NOVA1: variants seen among roughly 807,000 people sequenced by gnomAD.
The protein encoded by NOVA1 is RNA-binding protein Nova-1.
A neutral mutation model predicts 38.0 loss-of-function variants in NOVA1; 7 were observed. The ratio of observed to expected loss-of-function variants is 0.18; its 90% CI spans 0.10 to 0.35. The LOEUF is 0.35. Ranked by LOEUF, NOVA1 falls within the 10% of genes least tolerant of loss-of-function variation. NOVA1 has a pLI of 1.00. For missense variants in NOVA1, 460 were observed against 616.0 expected, an observed-to-expected ratio of 0.75 and a Z score of 2.68; for synonymous variants, 270 against 232.5, an observed-to-expected ratio of 1.16 and a Z score of -1.47.
chr14:26,469,675 G>A (rs1166998041), intron 4 of NOVA1, among the ~76,000 whole-genome samples: 2 of 152,062 alleles, frequency 1.3e-5, no homozygotes, highest in Non-Finnish European at 2.9e-5. Flanking sequence ...CTGCAGCCTC[G>A]AACTCCTGGC....
intron 2 of NOVA1, among the ~76,000 whole-genome samples, chr14:26,592,412 G>A (rs567336758): frequency 4.6e-4 from 69 of 150,516 alleles, no homozygotes; most frequent in African/African-American, 1.6e-3. Context: ...AAAAAAAAAA[G>A]GTATATTCCT....
intron 2 of NOVA1, among the ~76,000 whole-genome samples, chr14:26,577,272 T>G (rs1329879288): frequency 6.6e-6 from 1 of 152,132 alleles, no homozygotes; most frequent in African/African-American, 2.4e-5. Context: ...ATAAAAATAA[T>G]TATGCTACTA....
intron 2 of NOVA1, among the ~76,000 whole-genome samples, chr14:26,591,391 A>G (rs1351139485): frequency 6.6e-6 from 1 of 151,682 alleles, no homozygotes; most frequent in Non-Finnish European, 1.5e-5. Flanking sequence ...TAACTATCCT[A>G]TTAAACCCAC....
chr14:26,465,581 AGCCAAGAAG>A (rs1328455882), intron 4 of NOVA1, among the ~76,000 whole-genome samples: 6 of 152,218 alleles, frequency 3.9e-5, no homozygotes, highest in African/African-American at 1.2e-4. Flanking sequence ...ATAGACATCA[AGCCAAGAAG>A]GCTATGTTCT....
chr14:26,587,530 G>A (rs1893600733), intron 2 of NOVA1, among the ~76,000 whole-genome samples: 1 of 150,850 alleles, frequency 6.6e-6, no homozygotes, highest in African/African-American at 2.4e-5. Flanking sequence ...TCACACTTAA[G>A]AATGAAACCA....
chr14:26,574,278 C>A lies in NOVA1; in HGVS notation c.280+21132G>T, dbSNP rs572039350. 2.2e-4 allele frequency among the ~76,000 whole-genome samples: 21 copies of A among 95,934 alleles called. 2 individuals carry two copies. The highest frequency in any genetic ancestry group is 1.7e-3 in the East Asian group (4 of 2,316). 62.9% of individuals were successfully genotyped at this position (95,934 alleles called of 152,430 possible). A position where few individuals can be genotyped will look rare whatever the true frequency, so the allele number is the denominator to read the frequency against. On this transcript the variant is annotated intron_variant, in intron 2 of 4. Transcript: ENST00000539517. ...TGACCTCGTGATCCACCCCCCCCCC[C>A]CCGCCCCCTCGGCCTCCCAAAGTGC...
chr14:26,474,150 TTAA>T (rs1422805271), intron 3 of NOVA1, among the ~76,000 whole-genome samples: 2 of 152,020 alleles, frequency 1.3e-5, no homozygotes, highest in African/African-American at 4.8e-5. Flanking sequence ...TAATCTCAGA[TTAA>T]TAATGAGTCT....
rs187691633 is a variant in NOVA1, at chr14:26,562,709, C to T, written c.280+32701G>A. Among the ~76,000 whole-genome samples, 45 of 152,160 alleles carry T rather than the reference C, an allele frequency of 3.0e-4. 1 individual carries two copies. The highest frequency in any genetic ancestry group is 2.1e-3 in the Admixed American group (32 of 15,274). Reference sequence around the variant, plus strand: ...GCCTAATGAAACCCCAGAAAGACAGCGATAATGTTAGCGCTGAATACTGAG... The same window carrying T: ...GCCTAATGAAACCCCAGAAAGACAGTGATAATGTTAGCGCTGAATACTGAG... On this transcript the variant is annotated intron_variant, in intron 2 of 4. Transcript: ENST00000539517.
chr14:26,594,946 C>A (rs1376581748), intron 2 of NOVA1, among the ~76,000 whole-genome samples: 2 of 151,988 alleles, frequency 1.3e-5, no homozygotes, highest in African/African-American at 4.8e-5. Flanking sequence ...CACTCCAAGG[C>A]CAACAAACAA....
intron 2 of NOVA1, among the ~76,000 whole-genome samples, chr14:26,545,137 AT>A (rs2045219436): frequency 6.6e-6 from 1 of 152,098 alleles, no homozygotes; most frequent in African/African-American, 2.4e-5. Context: ...AAAATGGCAA[AT>A]AAGACAGGCT....
At chr14:26,466,535 T>A (rs181505397) in intron 4 of NOVA1, among the ~76,000 whole-genome samples, 111 of 152,226 alleles carry the variant, frequency 7.3e-4, no homozygotes, top group Middle Eastern at 3.4e-3. Flanking sequence ...TTAGAGGACA[T>A]CTTTGGGAAA....
intron 2 of NOVA1, among the ~76,000 whole-genome samples, chr14:26,495,448 T>G (rs1403157580): frequency 2.6e-5 from 4 of 152,214 alleles, no homozygotes; most frequent in African/African-American, 4.8e-5. Flanking sequence ...ATTCATTTAA[T>G]GAAATAAAAC....
chr14:26,473,630 A>T (rs1031348816), intron 3 of NOVA1, among the ~76,000 whole-genome samples: 1 of 151,990 alleles, frequency 6.6e-6, no homozygotes, highest in Non-Finnish European at 1.5e-5. Flanking sequence ...ATAAAAAAAA[A>T]GAATAAGAAA....
At chr14:26,591,743 T>G (rs2138813666) in intron 2 of NOVA1, among the ~76,000 whole-genome samples, 1 of 151,748 alleles carries the variant, frequency 6.6e-6, no homozygotes, top group South Asian at 2.1e-4. Flanking sequence ...TGTTGGGTCT[T>G]TCCTTCCCTA....
intron 2 of NOVA1, among the ~76,000 whole-genome samples, chr14:26,553,854 AAGG>A (rs1891314401): frequency 6.6e-6 from 1 of 152,066 alleles, no homozygotes; most frequent in African/African-American, 2.4e-5. Context: ...GTCCTCATAG[AAGG>A]AGGACTAGGC....
intron 2 of NOVA1, among the ~76,000 whole-genome samples, chr14:26,562,911 T>G (rs376735085): frequency 6.6e-6 from 1 of 152,210 alleles, no homozygotes; most frequent in Admixed American, 6.5e-5. Flanking sequence ...AAGGTTAAAA[T>G]GGACAGAAGC....
rs1881856708 is a variant in NOVA1 at position 26,443,634 on chromosome 14, A to C, written c.*4325T>G. 1 of 152,318 alleles carries C rather than the reference A, an allele frequency of 6.6e-6. No individual in the cohort carries two copies. The highest frequency in any genetic ancestry group is 6.6e-5 in the Admixed American group (1 of 15,232). 9.4% of individuals were successfully genotyped at this position (152,318 alleles called of 1,614,324 possible). On this transcript the variant is annotated 3_prime_UTR_variant, in exon 5 of 5. Coordinates refer to ENST00000539517, the MANE Select transcript of NOVA1 (RefSeq NM_002515.3). The stretch of plus-strand genomic sequence containing the variant: ...ATTTCCAAATATAATCTGTTAAAGT[A>C]ATATGATACTTACCCTTTATGTAAA...
chr14:26,529,310 G>C (rs543165120), intron 2 of NOVA1, among the ~76,000 whole-genome samples: 1 of 151,984 alleles, frequency 6.6e-6, no homozygotes, highest in Non-Finnish European at 1.5e-5. Context: ...GCTAATTTTT[G>C]TATTTTTAGT....
At chr14:26,475,800 G>C (rs190158135) in intron 3 of NOVA1, among the ~76,000 whole-genome samples, 112 of 152,210 alleles carry the variant, frequency 7.4e-4, no homozygotes, top group African/African-American at 2.5e-3. Flanking sequence ...GGAAATAAGT[G>C]TGACTATTAC....
Sources: allele counts gnomAD v4.1 joint callset (sites outside exome capture counted in the v4.1 genomes callset), GRCh38; gene constraint gnomAD v4.1.1; transcripts MANE v1.5; gene names NCBI Gene and HGNC (gene_info 2026-07-23, HGNC 2026-07-21).